KCNK2: variants seen among roughly 807,000 people sequenced by gnomAD.
The protein encoded by KCNK2 is potassium channel subfamily K member 2.
Under a neutral mutation model 40.5 loss-of-function variants are expected in KCNK2, and 21 were observed. That is an observed-to-expected ratio of 0.52 (90% CI 0.37 to 0.75). The LOEUF (loss-of-function observed/expected upper bound fraction) is 0.75, where lower values mean the gene tolerates loss of function less well. Among genes scored for constraint, KCNK2 ranks in the 30% least tolerant of loss-of-function variants. KCNK2 has a pLI of 0.00. For synonymous variants in KCNK2, 191 were observed against 202.2 expected (o/e 0.94, Z 0.47); for missense variants, 399 against 531.6 (o/e 0.75, Z 2.45).
At chr1:215,016,244 T>C (rs1656580971) in intron 1 of KCNK2, among the ~76,000 whole-genome samples, 1 of 151,804 alleles carries the variant, frequency 6.6e-6, no homozygotes, top group African/African-American at 2.4e-5. Context: ...GCATGAAGCA[T>C]ACGGAGACAA....
intron 5 of KCNK2, among the ~76,000 whole-genome samples, chr1:215,188,665 T>G (rs1664547956): frequency 6.6e-6 from 1 of 152,128 alleles, no homozygotes; most frequent in Non-Finnish European, 1.5e-5. Context: ...GACTAAGAGT[T>G]TTGCAACCAT....
rs1376457220 is a variant in KCNK2, at chr1:215,237,057, T to A, written c.*1912T>A. The A allele has an allele frequency of 6.6e-5, 10 of 152,540 alleles. No individual in the cohort carries two copies. The allele number at this position is 152,540 out of a possible 1,614,324, so 9.4% of individuals were successfully genotyped here. A position where few individuals can be genotyped will look rare whatever the true frequency, so the allele number is the denominator to read the frequency against. Reference sequence around the variant, plus strand: ...GAATGCGCCATGTATAAACTGTGAATTGTATTGACAAATAAAGTTTGTAAT... The same window carrying A: ...GAATGCGCCATGTATAAACTGTGAAATGTATTGACAAATAAAGTTTGTAAT... On this transcript the variant is annotated 3_prime_UTR_variant, in exon 7 of 7. Coordinates refer to ENST00000444842, the MANE Select transcript of KCNK2 (RefSeq NM_001017425.3).
At chr1:215,007,544 A>T (rs1251162437) in intron 1 of KCNK2, among the ~76,000 whole-genome samples, 1 of 152,044 alleles carries the variant, frequency 6.6e-6, no homozygotes, top group Non-Finnish European at 1.5e-5. Context: ...TCTCCATCTT[A>T]TCTTGTGCCA....
At chr1:215,059,642 A>G (rs1461681247) in intron 1 of KCNK2, among the ~76,000 whole-genome samples, 1 of 152,202 alleles carries the variant, frequency 6.6e-6, no homozygotes, top group African/African-American at 2.4e-5. Context: ...CTAAAATTCT[A>G]TAGCTCCCAT....
chr1:215,013,983 G>A (rs1656496396), intron 1 of KCNK2, among the ~76,000 whole-genome samples: 3 of 152,002 alleles, frequency 2.0e-5, no homozygotes, highest in Admixed American at 2.0e-4. Flanking sequence ...ACGTCTTTGT[G>A]TTTTTCCTTA....
intron 2 of KCNK2, among the ~76,000 whole-genome samples, chr1:215,093,742 AAAAATATATTATATATTATATAATAT>A (rs1558087698): frequency 1.9e-3 from 106 of 55,310 alleles, no homozygotes; most frequent in African/African-American, 0.011. Flanking sequence ...TATATAATAT[AAAAATATATTATATATTATATAATAT>A]AAAATATATT....
chr1:215,093,500 TTA>T (rs1659790962), intron 2 of KCNK2, among the ~76,000 whole-genome samples: 1 of 41,594 alleles, frequency 2.4e-5, no homozygotes, highest in Non-Finnish European at 4.8e-5. Context: ...ATGTTATATA[TTA>T]TATATAAAAT....
chr1:215,171,171 G>A (rs1663694903), intron 4 of KCNK2, among the ~76,000 whole-genome samples: 4 of 152,002 alleles, frequency 2.6e-5, no homozygotes, highest in Admixed American at 2.0e-4. Flanking sequence ...AAAATATATG[G>A]TAACTAGCCT....
intron 5 of KCNK2, among the ~76,000 whole-genome samples, chr1:215,186,295 T>C (rs557572321): frequency 2.6e-5 from 4 of 152,188 alleles, no homozygotes; most frequent in African/African-American, 7.2e-5. Context: ...GCTGTAGTCC[T>C]AGCTATTTGG....
intron 3 of KCNK2, among the ~76,000 whole-genome samples, chr1:215,144,647 G>A (rs997462245): frequency 2.0e-5 from 3 of 152,016 alleles, no homozygotes; most frequent in Admixed American, 6.6e-5. Flanking sequence ...TCCACTTTGT[G>A]TAGTGATGGG....
chr1:215,139,372 G>C (rs1287915696), intron 3 of KCNK2, among the ~76,000 whole-genome samples: 9 of 152,146 alleles, frequency 5.9e-5, no homozygotes, highest in Admixed American at 5.9e-4. Context: ...AAAATCATTC[G>C]TTGAAGATTT....
At chr1:215,149,901 T>C (rs1052385883) in intron 3 of KCNK2, among the ~76,000 whole-genome samples, 3 of 152,180 alleles carry the variant, frequency 2.0e-5, no homozygotes, top group African/African-American at 7.2e-5. Context: ...CTGAGTAGAA[T>C]GAAGAGAGGG....
intron 2 of KCNK2, among the ~76,000 whole-genome samples, chr1:215,122,947 T>C (rs1276263912): frequency 6.6e-6 from 1 of 151,858 alleles, no homozygotes. Context: ...GGTTTCACCA[T>C]GTTAGCCAGG....
chr1:215,198,794 T>A (rs1664969145), intron 6 of KCNK2, among the ~76,000 whole-genome samples: 1 of 152,180 alleles, frequency 6.6e-6, no homozygotes, highest in Admixed American at 6.5e-5. Context: ...CACTAAAAGA[T>A]TTAACTGGTA....
chr1:215,229,920 C>A (rs1160853215), intron 6 of KCNK2, among the ~76,000 whole-genome samples: 1 of 151,320 alleles, frequency 6.6e-6, no homozygotes, highest in East Asian at 1.9e-4. Context: ...AATTAAAGCA[C>A]CCTTGGCAAA....
At chr1:215,177,262 T>C (rs1455521813) in intron 5 of KCNK2, among the ~76,000 whole-genome samples, 1 of 152,184 alleles carries the variant, frequency 6.6e-6, no homozygotes, top group Non-Finnish European at 1.5e-5. Flanking sequence ...TAGACCTTTG[T>C]CAGATGCATA....
Position 215,083,210 on chromosome 1 carries a change from T to TCCCCCCCCCCCCCC in KCNK2, c.-173_-172insCCCCCCCCCCCCCC. 1 of 391,896 alleles carries TCCCCCCCCCCCCCC rather than the reference T, an allele frequency of 2.6e-6. No individual in the cohort carries two copies. The highest frequency in any genetic ancestry group is 3.1e-5 in the South Asian group (1 of 31,870). 24.3% of individuals were successfully genotyped at this position (391,896 alleles called of 1,614,324 possible). ...TTCTCACGCTCCCCCCCCCGCCCCC[T>TCCCCCCCCCCCCCC]CCCGCGTCCAGCCCCGCTCTCCCCA... On this transcript the variant is annotated 5_prime_UTR_variant, in exon 1 of 7. Transcript: ENST00000444842.
In KCNK2 at chr1:215,138,824, A is replaced by G. The variant is rs373743592; in HGVS notation, c.475+14074A>G. ...CTTCGCATACACTCTTTGTCTTTCTACAGTATTTCCTGGCTGACTTTTATA... is the reference window on the plus strand; with the variant it reads ...CTTCGCATACACTCTTTGTCTTTCTGCAGTATTTCCTGGCTGACTTTTATA... On this transcript the variant is annotated intron_variant, in intron 3 of 6. Transcript: ENST00000444842. Among the ~76,000 whole-genome samples, 85 of 152,328 alleles carry G rather than the reference A, an allele frequency of 5.6e-4. No individual in the cohort carries two copies. The South Asian group carries it at 0.017, about 31-fold the overall frequency.
At chr1:215,192,340 T>C (rs1204797705) in intron 5 of KCNK2, among the ~76,000 whole-genome samples, 1 of 152,216 alleles carries the variant, frequency 6.6e-6, no homozygotes, top group Non-Finnish European at 1.5e-5. Flanking sequence ...AAGCATTTTT[T>C]TCCCCTGGGC....
Sources: gnomAD v4.1 joint callset for allele counts (sites outside exome capture counted in the v4.1 genomes callset) on GRCh38, gnomAD v4.1.1 for gene constraint, MANE v1.5 for transcripts, NCBI Gene and HGNC (gene_info 2026-07-23, HGNC 2026-07-21) for gene names.